The following LMF1 variants were observed in gnomAD, a reference collection of about 807,000 sequenced individuals.
LMF1 encodes lipase maturation factor 1, also known as transmembrane protein 112.
Under a neutral mutation model 60.6 loss-of-function variants are expected in LMF1, and 68 were observed. That is an observed-to-expected ratio of 1.12 (90% CI 0.92 to 1.37). The LOEUF (loss-of-function observed/expected upper bound fraction) is 1.37. Ranked by LOEUF, LMF1 falls within the 40% of genes most tolerant of loss-of-function variation. The pLI, the probability that LMF1 is intolerant of heterozygous loss-of-function variation, is 0.00. For synonymous variants in LMF1, 418 were observed against 324.7 expected (o/e 1.29, Z -3.09); for missense variants, 948 against 767.2 (o/e 1.24, Z -2.78).
chr16:855,374 G>A (rs2069157570), intron 10 of LMF1: 1 of 321,542 alleles, frequency 3.1e-6, no homozygotes. Flanking sequence ...TCTCTCTGCT[G>A]AGCCCTGTAT....
intron 2 of LMF1, among the ~76,000 whole-genome samples, chr16:936,024 T>C (rs1363959581): frequency 1.3e-5 from 2 of 152,226 alleles, no homozygotes; most frequent in Non-Finnish European, 2.9e-5. Context: ...CCACACTATT[T>C]ATAGGTAAAA....
rs558497615 is a variant in LMF1, at chr16:882,407, C to T, written c.730-2670G>A. On this transcript the variant is annotated intron_variant, in intron 5 of 10. Coordinates refer to ENST00000262301, the MANE Select transcript of LMF1 (RefSeq NM_022773.4). Reference sequence around the variant, plus strand: ...CAGTCCTTGAAGAGGCAGCTCCAACCCCATTAAAGGTCCCTCTACTCTGAG... The same window carrying T: ...CAGTCCTTGAAGAGGCAGCTCCAACTCCATTAAAGGTCCCTCTACTCTGAG... Among the ~76,000 whole-genome samples, 3 of 152,344 alleles carry T rather than the reference C, an allele frequency of 2.0e-5. No homozygotes were observed. In the East Asian group the frequency reaches 5.8e-4, roughly 29 times the overall value.
chr16:859,075 GGGTGTGAGTGGTGT>G (rs2069326771), intron 10 of LMF1, among the ~76,000 whole-genome samples: 3 of 121,952 alleles, frequency 2.5e-5, no homozygotes, highest in Admixed American at 1.5e-4. Flanking sequence ...GTCACGGGAC[GGGTGTGAGTGGTGT>G]CTCGGGACGG....
rs1181911306 is a variant in LMF1 at position 870,049 on chromosome 16, G to A, written c.1250C>T (p.Ala417Val). 7 of 1,610,118 alleles carry A rather than the reference G, an allele frequency of 4.3e-6. No homozygotes were observed. The highest frequency in any genetic ancestry group is 1.3e-5 in the African/African-American group (1 of 75,034). ...GAFGSITKER[A>V]EVILQGTASS... ...GGCTGTGCCCTGCAGGATCACCTCC[G>A]CCCGCTCCTTGGTGATGCTGCCGGG... Residue 417 changes from alanine (A) to valine (V), a missense_variant, in exon 9 of 11, where the codon GCG becomes GTG. Transcript: ENST00000262301.
intron 2 of LMF1, among the ~76,000 whole-genome samples, chr16:936,685 C>A (rs576824695): frequency 6.6e-6 from 1 of 152,366 alleles, no homozygotes; most frequent in East Asian, 1.9e-4. Context: ...TTCCAAGCAA[C>A]CGCTGTACAC....
intron 3 of LMF1, among the ~76,000 whole-genome samples, chr16:924,040 T>TA (rs2071520988): frequency 6.6e-6 from 1 of 152,230 alleles, no homozygotes; most frequent in South Asian, 2.1e-4. Context: ...GAAAAAAAGT[T>TA]ACTATAGTTC....
At chr16:888,084 C>G (rs530286919) in intron 5 of LMF1, among the ~76,000 whole-genome samples, 1 of 152,228 alleles carries the variant, frequency 6.6e-6, no homozygotes, top group Non-Finnish European at 1.5e-5. Context: ...CATCCTTCGG[C>G]GGACGGAATT....
intron 3 of LMF1, among the ~76,000 whole-genome samples, chr16:928,012 G>A (rs2071659996): frequency 6.6e-6 from 1 of 152,176 alleles, no homozygotes; most frequent in South Asian, 2.1e-4. Flanking sequence ...GGAGGGGCCT[G>A]GTACGCTTGG....
At chr16:857,019 G>A (rs1053583195) in intron 10 of LMF1, among the ~76,000 whole-genome samples, 5 of 152,260 alleles carry the variant, frequency 3.3e-5, no homozygotes, top group African/African-American at 1.2e-4. Flanking sequence ...AAGAATGAGT[G>A]GAACCCTGCG....
chr16:960,080 C>G (rs967817741), intron 1 of LMF1, among the ~76,000 whole-genome samples: 1 of 152,192 alleles, frequency 6.6e-6, no homozygotes, highest in Non-Finnish European at 1.5e-5. Context: ...CCGGGAGCAA[C>G]GGCCCTCCCA....
At position 874,042 on chromosome 16, in the gene LMF1, C is replaced by G. The variant is rs147401338; in HGVS notation, c.898-2701G>C. 6.6e-6 allele frequency among the ~76,000 whole-genome samples: 1 copy of G among 152,090 alleles called. No homozygotes were observed. Among genetic ancestry groups the G allele is most frequent in the African/African-American group, 2.4e-5 (1 of 41,376 alleles). ...CCAGTGGCTGGTGGAGGCCCGGCGGCGGGTGTGAGGGTCTCCTTTGCCGGG... is the reference window on the plus strand; with the variant it reads ...CCAGTGGCTGGTGGAGGCCCGGCGGGGGGTGTGAGGGTCTCCTTTGCCGGG... On this transcript the variant is annotated intron_variant, in intron 6 of 10. Transcript: ENST00000262301. The surrounding 1 kb of genome is among the most constrained non-coding windows in gnomAD (Gnocchi z 4.1).
intron 5 of LMF1, among the ~76,000 whole-genome samples, chr16:885,682 C>T (rs1416687849): frequency 1.3e-5 from 2 of 152,178 alleles, no homozygotes; most frequent in Non-Finnish European, 2.9e-5. Flanking sequence ...TCAGAAGACT[C>T]TCAAACACGT....
chr16:978,138 CACAT>C (rs2073223339), intron 1 of LMF1, among the ~76,000 whole-genome samples: 1 of 148,388 alleles, frequency 6.7e-6, no homozygotes, highest in Non-Finnish European at 1.5e-5. Context: ...CCACACCACA[CACAT>C]ACATCATACA....
chr16:953,201 G>C (rs866784987), intron 2 of LMF1, among the ~76,000 whole-genome samples: 1 of 73,296 alleles, frequency 1.4e-5, no homozygotes, highest in African/African-American at 5.0e-5. Flanking sequence ...CCTCCTACAT[G>C]TCCACACAGA....
chr16:869,925 G>T lies in LMF1; in HGVS notation c.1374C>A (p.Tyr458Ter), dbSNP rs908611545. ...PSRRPCLISP[Y>*]HYRLDWLMWF... is the part of the protein sequence containing the mutation. Reference sequence around the variant, plus strand: ...ACATCAGCCAGTCCAGGCGGTAGTGGTACGGGGAGATGAGGCAGGGCCGTC... The same window carrying T: ...ACATCAGCCAGTCCAGGCGGTAGTGTTACGGGGAGATGAGGCAGGGCCGTC... The change falls in exon 9 of 11, where the codon TAC (tyrosine) becomes TAA (stop). Residue 458 changes from tyrosine (Y) to a stop codon, truncating the protein, a stop_gained. Coordinates refer to ENST00000262301, the MANE Select transcript of LMF1 (RefSeq NM_022773.4). LOFTEE classifies it high-confidence loss of function. 4 of 1,613,264 alleles carry T rather than the reference G, an allele frequency of 2.5e-6. No homozygotes were observed. The highest frequency in any genetic ancestry group is 3.4e-6 in the Non-Finnish European group (4 of 1,179,858).
At chr16:964,232 G>C (rs2072876613) in intron 1 of LMF1, 1 of 431,958 alleles carries the variant, frequency 2.3e-6, no homozygotes, top group Admixed American at 2.4e-5. Context: ...GAAGGCGGAG[G>C]TTGTAGTGAG....
chr16:946,641 G>A (rs1003859197), intron 2 of LMF1, among the ~76,000 whole-genome samples: 2 of 152,346 alleles, frequency 1.3e-5, no homozygotes, highest in East Asian at 1.9e-4. Flanking sequence ...GGGAGTTCCC[G>A]TCTACAGGTA....
intron 2 of LMF1, among the ~76,000 whole-genome samples, chr16:943,336 ACTC>A (rs1452288632): frequency 6.8e-6 from 1 of 146,568 alleles, no homozygotes; most frequent in Non-Finnish European, 1.5e-5. Flanking sequence ...GCGCCACTGC[ACTC>A]CAGCCTGGGC....
rs139825245 is a variant in LMF1 at position 954,443 on chromosome 16, G to C, written c.417C>G (p.Phe139Leu). ...TGTTGGCGCAGCCCGTGATCAGTAC[G>C]AAAGACGAGATGCCCAGTCCGAGAA... The part of the protein sequence containing the change: ...LALLGLGISS[F>L]VLITGCANML... Residue 139 changes from phenylalanine to leucine, a missense_variant, in exon 2 of 11, where the codon TTC becomes TTG. Transcript: ENST00000262301. 1 of 1,612,924 alleles carries C rather than the reference G, an allele frequency of 6.2e-7. No homozygotes were observed. Among genetic ancestry groups the C allele is most frequent in the Non-Finnish European group, 8.5e-7 (1 of 1,179,622 alleles).
Sources: allele counts gnomAD v4.1 joint callset (sites outside exome capture counted in the v4.1 genomes callset), GRCh38; gene constraint gnomAD v4.1.1; non-coding constraint Gnocchi (gnomAD v3.1); transcripts MANE v1.5; gene names NCBI Gene and HGNC (gene_info 2026-07-23, HGNC 2026-07-21).